CCDC192: variants seen among roughly 807,000 people sequenced by gnomAD.
CCDC192 encodes coiled-coil domain containing 192, also known as coiled-coil domain-containing protein 192.
intron 5 of CCDC192, among the ~76,000 whole-genome samples, chr5:127,813,527 TC>T (rs1758197457): frequency 6.6e-6 from 1 of 152,168 alleles, no homozygotes; most frequent in African/African-American, 2.4e-5. Context: ...CCCAATCTCT[TC>T]CCTTTCTTTT....
At chr5:127,776,331 C>T (rs1032577100) in intron 3 of CCDC192, among the ~76,000 whole-genome samples, 1 of 152,184 alleles carries the variant, frequency 6.6e-6, no homozygotes, top group Admixed American at 6.5e-5. Context: ...GCCCTAGAGA[C>T]TTTTGGTACT....
intron 3 of CCDC192, among the ~76,000 whole-genome samples, chr5:127,775,143 C>G (rs1755784502): frequency 6.6e-6 from 1 of 152,164 alleles, no homozygotes; most frequent in Non-Finnish European, 1.5e-5. Flanking sequence ...CACTACCCCT[C>G]CCTCCCAGGG....
chr5:127,780,165 G>A (rs560515009), intron 3 of CCDC192, among the ~76,000 whole-genome samples: 23 of 150,676 alleles, frequency 1.5e-4, no homozygotes, highest in African/African-American at 3.2e-4. Context: ...ATACGTATAC[G>A]CACACACATA....
chr5:127,928,924 G>A (rs34158027), intron 6 of CCDC192, among the ~76,000 whole-genome samples: 27,943 of 151,788 alleles, frequency 0.18, 2,955 homozygotes, highest in Middle Eastern at 0.28. Context: ...TTGCCACCAC[G>A]CCCAGCTAGT....
intron 2 of CCDC192, among the ~76,000 whole-genome samples, chr5:127,711,693 G>A (rs1751346072): frequency 6.6e-6 from 1 of 152,038 alleles, no homozygotes; most frequent in African/African-American, 2.4e-5. Flanking sequence ...TATCATTTGT[G>A]TTTTAAATAA....
At chr5:127,938,726 T>A (rs1754259318) in intron 6 of CCDC192, among the ~76,000 whole-genome samples, 1 of 152,256 alleles carries the variant, frequency 6.6e-6, no homozygotes, top group Admixed American at 6.5e-5. Flanking sequence ...AATCTCCCAG[T>A]CAAATGTGTA....
chr5:127,878,091 G>T (rs1752153866), intron 6 of CCDC192, among the ~76,000 whole-genome samples: 1 of 152,200 alleles, frequency 6.6e-6, no homozygotes, highest in Admixed American at 6.5e-5. Context: ...ACTCACCTCT[G>T]CTTCTCTCTG....
intron 5 of CCDC192, among the ~76,000 whole-genome samples, chr5:127,803,923 C>A (rs1025704725): frequency 1.6e-4 from 25 of 152,134 alleles, no homozygotes; most frequent in African/African-American, 5.8e-4. Context: ...TCAAATGAAT[C>A]GTACAGCATG....
chr5:127,822,567 C>T (rs1258015322), intron 5 of CCDC192, among the ~76,000 whole-genome samples: 1 of 152,082 alleles, frequency 6.6e-6, no homozygotes, highest in East Asian at 1.9e-4. Context: ...GAGAGGGGTT[C>T]TGGGAGAGGG....
chr5:127,713,044 G>A (rs1751428312), intron 2 of CCDC192, among the ~76,000 whole-genome samples: 1 of 152,136 alleles, frequency 6.6e-6, no homozygotes, highest in Non-Finnish European at 1.5e-5. Context: ...AGACCAGCCT[G>A]ACCAACATGG....
At chr5:127,939,644 A>C (rs1030100870) in intron 6 of CCDC192, among the ~76,000 whole-genome samples, 1 of 151,218 alleles carries the variant, frequency 6.6e-6, no homozygotes, top group Non-Finnish European at 1.5e-5. Context: ...GAATGTGATG[A>C]CTGCCAATTA....
chr5:127,716,125 T>C (rs1212688233), intron 2 of CCDC192, among the ~76,000 whole-genome samples: 1 of 152,226 alleles, frequency 6.6e-6, no homozygotes, highest in Non-Finnish European at 1.5e-5. Context: ...CAAATGCTTT[T>C]TTTTTGCATC....
intron 1 of CCDC192, among the ~76,000 whole-genome samples, chr5:127,705,480 C>A (rs916500752): frequency 6.6e-6 from 1 of 152,034 alleles, no homozygotes; most frequent in Non-Finnish European, 1.5e-5. Context: ...GCATAAAAAA[C>A]AAACGAAGCA....
At chr5:127,860,931 TA>T (rs1378916143) in intron 5 of CCDC192, among the ~76,000 whole-genome samples, 2 of 152,238 alleles carry the variant, frequency 1.3e-5, no homozygotes, top group Non-Finnish European at 1.5e-5. Context: ...CGCTTTCTTT[TA>T]TAGCATGTGT....
At chr5:127,873,175 A>T (rs1439453243) in intron 5 of CCDC192, among the ~76,000 whole-genome samples, 1 of 152,104 alleles carries the variant, frequency 6.6e-6, no homozygotes, top group East Asian at 1.9e-4. Context: ...ACCTCACTGC[A>T]TTTATTTTTT....
At chr5:127,890,039 G>T (rs1752688103) in intron 6 of CCDC192, among the ~76,000 whole-genome samples, 1 of 152,036 alleles carries the variant, frequency 6.6e-6, no homozygotes, top group Admixed American at 6.6e-5. Context: ...TCTCCTATGT[G>T]GTCTGATGTT....
intron 6 of CCDC192, among the ~76,000 whole-genome samples, chr5:127,923,149 T>A (rs911700175): frequency 6.6e-6 from 1 of 152,220 alleles, no homozygotes; most frequent in East Asian, 1.9e-4. Context: ...GTTAAGCCAG[T>A]TAGAATTGGG....
intron 6 of CCDC192, among the ~76,000 whole-genome samples, chr5:127,895,944 T>C (rs1752867829): frequency 6.6e-6 from 1 of 152,190 alleles, no homozygotes; most frequent in African/African-American, 2.4e-5. Context: ...GGCAATTGGT[T>C]TCGTATAATT....
chr5:127,756,150 G>T (rs570249461), intron 3 of CCDC192, among the ~76,000 whole-genome samples: 16 of 150,686 alleles, frequency 1.1e-4, no homozygotes, highest in Admixed American at 5.3e-4. Context: ...AAAAAAAAAA[G>T]TACACATTAT....
Sources: allele counts gnomAD v4.1 joint callset (sites outside exome capture counted in the v4.1 genomes callset), GRCh38; gene constraint gnomAD v4.1.1; transcripts MANE v1.5; gene names NCBI Gene and HGNC (gene_info 2026-07-23, HGNC 2026-07-21).